TOPBP1: variants seen among roughly 807,000 people sequenced by gnomAD.
The protein encoded by TOPBP1 is DNA topoisomerase II binding protein 1.
A neutral mutation model predicts 167.7 loss-of-function variants in TOPBP1; 28 were observed. The ratio of observed to expected loss-of-function variants is 0.17; its 90% CI spans 0.12 to 0.23. The LOEUF is 0.23. Ranked by LOEUF, TOPBP1 falls within the 10% of genes least tolerant of loss-of-function variation. The pLI, the probability that TOPBP1 is intolerant of heterozygous loss-of-function variation, is 1.00. For missense variants in TOPBP1, 1,554 were observed against 1,809.6 expected, an observed-to-expected ratio of 0.86 and a Z score of 2.56; for synonymous variants, 598 against 611.4, an observed-to-expected ratio of 0.98 and a Z score of 0.32.
At chr3:133,652,673 T>C (rs1457762030) in intron 7 of TOPBP1, 44 bp from the exon 8 acceptor site, 1 of 1,472,246 alleles carries the variant, frequency 6.8e-7, no homozygotes, top group East Asian at 2.3e-5. Flanking sequence ...GATAAAATAA[T>C]CATGATTACA....
intron 27 of TOPBP1, among the ~76,000 whole-genome samples, chr3:133,603,114 T>A (rs1671786393): frequency 1.3e-5 from 2 of 152,114 alleles, no homozygotes. Flanking sequence ...CAGGCTGGTC[T>A]CGAAATCCTG....
Position 133,652,623 on chromosome 3 carries a change from G to A in TOPBP1, c.929C>T (p.Thr310Ile). The A allele has an allele frequency of 6.2e-7, 1 of 1,604,608 alleles. No individual in the cohort carries two copies. Among genetic ancestry groups the A allele is most frequent in the Non-Finnish European group, 8.5e-7 (1 of 1,177,232 alleles). Reference protein sequence around the residue: ...TSQINTIDSRTLSDVSNISNI... With the variant: ...TSQINTIDSRILSDVSNISNI... ...GGAAATATTGCTGACATCTGAAAGA[G>A]TACGACCTACATATTTTGAAAACGT... Residue 310 changes from threonine (T) to isoleucine (I), a missense_variant, in exon 8 of 28, where the codon ACT (threonine) becomes ATT (isoleucine). Physicochemically the swap from Thr to Ile is moderately conservative, Grantham distance 89. Coordinates refer to ENST00000260810, the MANE Select transcript of TOPBP1 (RefSeq NM_007027.4).
chr3:133,613,326 G>A (rs1934745308), intron 23 of TOPBP1, among the ~76,000 whole-genome samples: 1 of 152,158 alleles, frequency 6.6e-6, no homozygotes, highest in African/African-American at 2.4e-5. Context: ...CTAAATCCTT[G>A]TTCAATTTTT....
chr3:133,650,251 T>C (rs1269367977), intron 8 of TOPBP1, among the ~76,000 whole-genome samples: 1 of 151,874 alleles, frequency 6.6e-6, no homozygotes, highest in East Asian at 1.9e-4. Flanking sequence ...ATTCCTAAAA[T>C]GCAGGTAACT....
intron 27 of TOPBP1, among the ~76,000 whole-genome samples, chr3:133,604,264 G>A (rs1576674201): frequency 6.6e-6 from 1 of 151,490 alleles, no homozygotes; most frequent in African/African-American, 2.4e-5. Context: ...CCTCCCGAGT[G>A]GCTGGGACTA....
chr3:133,607,544 T>C lies in TOPBP1; in HGVS notation c.4425+991A>G, dbSNP rs188050077. ...ACACTTCCCACCAATAATGTACAGA[T>C]TGAGCATCTCAAATCCAAAAGTTAG... is the stretch of plus-strand genomic sequence containing the variant. On this transcript the variant is annotated intron_variant, in intron 27 of 27. Transcript: ENST00000260810. 1.5e-3 allele frequency among the ~76,000 whole-genome samples: 223 copies of C among 152,146 alleles called. 4 individuals carry two copies. Among genetic ancestry groups the C allele is most frequent in the African/African-American group, 5.2e-3 (216 of 41,532 alleles).
At position 133,601,359 on chromosome 3, in the gene TOPBP1, G is replaced by T; in HGVS notation, c.4460C>A (p.Pro1487Gln). The T allele has an allele frequency of 6.4e-7, 1 of 1,564,874 alleles. No individual in the cohort carries two copies. The change falls in exon 28 of 28, where the codon CCA becomes CAA. Residue 1487 changes from proline to glutamine, a missense_variant. Pro to Gln is a moderately conservative substitution (Grantham distance 76). Transcript: ENST00000260810. ...ATTCTGAATAAATGAAATAGCTTCT[G>T]GTAGACAGTAATTTTCTACATGAGG... ...SPPHVENYCL[P>Q]EAISFIQNNK...
rs1013725720 is a variant in TOPBP1 at position 133,661,248 on chromosome 3, G to C, written c.-7-114C>G. 1.8e-5 allele frequency: 13 copies of C among 720,374 alleles called. No individual in the cohort carries two copies. In the African/African-American group the frequency reaches 2.4e-4, roughly 13 times the overall value. The allele number at this position is 720,374 out of a possible 1,614,324, so 44.6% of individuals were successfully genotyped here. On this transcript the variant is annotated intron_variant, in intron 1 of 27. Coordinates refer to ENST00000260810, the MANE Select transcript of TOPBP1 (RefSeq NM_007027.4). ...AGAATGCCTAAAGACAGACATTCTGGCTCTGCCCGTGAATTCGTCAACGGC... is the reference window on the plus strand; with the variant it reads ...AGAATGCCTAAAGACAGACATTCTGCCTCTGCCCGTGAATTCGTCAACGGC...
intron 23 of TOPBP1, 91 bp downstream of exon 23, chr3:133,616,723 G>T: frequency 1.4e-6 from 1 of 708,128 alleles, no homozygotes; most frequent in Non-Finnish European, 2.2e-6. Context: ...TCTACTTCTA[G>T]ACTTTACAAA....
chr3:133,604,748 G>A (rs940471790), intron 27 of TOPBP1, among the ~76,000 whole-genome samples: 2 of 151,556 alleles, frequency 1.3e-5, no homozygotes, highest in Admixed American at 6.6e-5. Flanking sequence ...TTAAAACCCC[G>A]TTTCTACTAA....
At chr3:133,656,293 G>A (rs1477708216) in intron 5 of TOPBP1, among the ~76,000 whole-genome samples, 1 of 151,972 alleles carries the variant, frequency 6.6e-6, no homozygotes, top group African/African-American at 2.4e-5. Context: ...CCATCTTTTG[G>A]AAGGAATGCA....
intron 2 of TOPBP1, among the ~76,000 whole-genome samples, chr3:133,659,994 C>A (rs905511203): frequency 3.9e-5 from 6 of 152,136 alleles, no homozygotes; most frequent in African/African-American, 1.4e-4. Context: ...CAAGGCCCTA[C>A]ATGACCTCTT....
At chr3:133,605,573 T>A (rs902794028) in intron 27 of TOPBP1, among the ~76,000 whole-genome samples, 4 of 152,074 alleles carry the variant, frequency 2.6e-5, no homozygotes, top group South Asian at 2.1e-4. Flanking sequence ...TTATAAAAGT[T>A]AACCCCAATT....
intron 16 of TOPBP1, among the ~76,000 whole-genome samples, chr3:133,626,098 A>G (rs922948856): frequency 2.0e-5 from 3 of 152,196 alleles, no homozygotes; most frequent in African/African-American, 7.2e-5. Context: ...CAGATAGTAA[A>G]TATTTTAGAC....
At position 133,649,566 on chromosome 3, in the gene TOPBP1, G is replaced by C; in HGVS notation, c.1321C>G (p.Pro441Ala). ...FSKGYMLSEE[P>A]YIHANYQPVE... ...GGCTGGTAATTAGCATGGATATATGGTTCTTCAGAAAGCATATAACCTTTA... is the reference window on the plus strand; with the variant it reads ...GGCTGGTAATTAGCATGGATATATGCTTCTTCAGAAAGCATATAACCTTTA... The change falls in exon 10 of 28, where the codon CCA becomes GCA. Residue 441 changes from proline to alanine, a missense_variant. This residue lies in a region of TOPBP1 where 1,197 missense variants were observed against 1,351.5 expected (regional missense o/e 0.89). Transcript: ENST00000260810. 6.2e-7 allele frequency: 1 copy of C among 1,613,772 alleles called. No homozygotes were observed. The highest frequency in any genetic ancestry group is 2.2e-5 in the East Asian group (1 of 44,864).
chr3:133,654,967 T>C (rs1936427645), intron 6 of TOPBP1, among the ~76,000 whole-genome samples: 2 of 152,104 alleles, frequency 1.3e-5, no homozygotes, highest in African/African-American at 4.8e-5. Flanking sequence ...CCCAGGACTT[T>C]GGGAGGTTGA....
At chr3:133,652,693 T>C in intron 7 of TOPBP1, 64 bp from the exon 8 acceptor site, 9 of 1,352,036 alleles carry the variant, frequency 6.7e-6, no homozygotes, top group South Asian at 1.4e-5. Context: ...ATATTGTCTA[T>C]GGATTAACTT....
In TOPBP1 at chr3:133,620,270, T is replaced by G; in HGVS notation, c.3256A>C (p.Lys1086Gln). Residue 1086 changes from lysine to glutamine, a missense_variant, in exon 20 of 28, where the codon AAA becomes CAA. Physicochemically the swap from Lys to Gln is moderately conservative, Grantham distance 53. Transcript: ENST00000260810. ...QEIMSATSIVKPQGQRTSLSR... is the reference protein window; with the variant it reads ...QEIMSATSIVQPQGQRTSLSR... ...AGGGAAGTCCTCTGCCCTTGGGGTTTCACTATTGATGTTGCAGACATTATC... is the reference window on the plus strand; with the variant it reads ...AGGGAAGTCCTCTGCCCTTGGGGTTGCACTATTGATGTTGCAGACATTATC... 1 of 1,614,014 alleles carries G rather than the reference T, an allele frequency of 6.2e-7. No homozygotes were observed. Among genetic ancestry groups the G allele is most frequent in the Non-Finnish European group, 8.5e-7 (1 of 1,179,894 alleles).
At chr3:133,630,509 G>A (rs1437281472) in intron 14 of TOPBP1, among the ~76,000 whole-genome samples, 1 of 151,822 alleles carries the variant, frequency 6.6e-6, no homozygotes, top group Non-Finnish European at 1.5e-5. Flanking sequence ...TCTTTCCCAG[G>A]CTGGTCTCAA....
Sources: gnomAD v4.1 joint callset for allele counts (sites outside exome capture counted in the v4.1 genomes callset) on GRCh38, gnomAD v4.1.1 for gene constraint, gnomAD v4.1.1 regional missense constraint, MANE v1.5 for transcripts, NCBI Gene and HGNC (gene_info 2026-07-23, HGNC 2026-07-21) for gene names.